TMEM150C: variants seen among roughly 807,000 people sequenced by gnomAD.
TMEM150C encodes the protein transmembrane protein 150C, also known as tentonin 3.
A neutral mutation model predicts 29.9 loss-of-function variants in TMEM150C; 10 were observed. That is an observed-to-expected ratio of 0.33 (90% confidence interval 0.21 to 0.57). The LOEUF (loss-of-function observed/expected upper bound fraction) is 0.57, where lower values mean the gene tolerates loss of function less well. TMEM150C is among the 20% of genes least tolerant of loss of function. TMEM150C has a pLI of 0.88. For missense variants in TMEM150C, 251 were observed against 303.6 expected, an observed-to-expected ratio of 0.83 and a Z score of 1.29; for synonymous variants, 101 against 112.5, an observed-to-expected ratio of 0.90 and a Z score of 0.64.
At chr4:82,556,354 A>C (rs527759336) in intron 1 of TMEM150C, among the ~76,000 whole-genome samples, 1 of 152,356 alleles carries the variant, frequency 6.6e-6, no homozygotes, top group South Asian at 2.1e-4. Flanking sequence ...CCAAAGTTTC[A>C]TCAAACACTA....
intron 6 of TMEM150C, among the ~76,000 whole-genome samples, chr4:82,490,528 A>G (rs1209896038): frequency 6.6e-6 from 1 of 152,220 alleles, no homozygotes; most frequent in Non-Finnish European, 1.5e-5. Flanking sequence ...ATACACCCCA[A>G]ACTTTTCCAG....
chr4:82,491,349 G>C (rs1723340068), intron 6 of TMEM150C: 2 of 647,766 alleles, frequency 3.1e-6, no homozygotes, highest in African/African-American at 3.6e-5. Flanking sequence ...CAGCTGAGTA[G>C]CTGCTTGGCA....
chr4:82,543,400 A>T (rs1049387166), intron 1 of TMEM150C, among the ~76,000 whole-genome samples: 1 of 152,210 alleles, frequency 6.6e-6, no homozygotes, highest in Non-Finnish European at 1.5e-5. Flanking sequence ...AAAATAAATA[A>T]CTTATCCAAG....
At chr4:82,506,260 A>C (rs371269288) in intron 1 of TMEM150C, among the ~76,000 whole-genome samples, 10 of 152,360 alleles carry the variant, frequency 6.6e-5, no homozygotes, top group East Asian at 3.8e-4. Flanking sequence ...CTGGCGAACC[A>C]ATCCCATCTG....
intron 1 of TMEM150C, among the ~76,000 whole-genome samples, chr4:82,551,760 A>G (rs2110092982): frequency 6.6e-6 from 1 of 152,254 alleles, no homozygotes; most frequent in African/African-American, 2.4e-5. Context: ...CTCAATTAGC[A>G]TGCTTACCCC....
At chr4:82,496,730 C>A (rs918142132) in intron 5 of TMEM150C, among the ~76,000 whole-genome samples, 2 of 152,156 alleles carry the variant, frequency 1.3e-5, no homozygotes, top group Non-Finnish European at 2.9e-5. Flanking sequence ...CACATCTAGA[C>A]AAAATTGCTG....
chr4:82,527,310 C>T (rs1303151408), intron 1 of TMEM150C, among the ~76,000 whole-genome samples: 1 of 152,124 alleles, frequency 6.6e-6, no homozygotes, highest in African/African-American at 2.4e-5. Flanking sequence ...ATGTTCAGAG[C>T]CACTCTGTTC....
At chr4:82,559,875 C>A (rs895678442) in intron 1 of TMEM150C, among the ~76,000 whole-genome samples, 1 of 152,204 alleles carries the variant, frequency 6.6e-6, no homozygotes, top group Non-Finnish European at 1.5e-5. Flanking sequence ...ATTGCGGGGT[C>A]CAGCTAGCTT....
chr4:82,519,760 A>G (rs915097768), intron 1 of TMEM150C, among the ~76,000 whole-genome samples: 1 of 152,212 alleles, frequency 6.6e-6, no homozygotes, highest in Non-Finnish European at 1.5e-5. Context: ...TGCATAAGAT[A>G]AAGTTTAATT....
At chr4:82,546,682 G>T (rs1205993713) in intron 1 of TMEM150C, among the ~76,000 whole-genome samples, 5 of 151,988 alleles carry the variant, frequency 3.3e-5, no homozygotes, top group Non-Finnish European at 7.4e-5. Flanking sequence ...CAAAAAATTA[G>T]CCAGGCATGG....
chr4:82,501,923 C>G (rs1188627977), intron 5 of TMEM150C, among the ~76,000 whole-genome samples: 5 of 152,268 alleles, frequency 3.3e-5, no homozygotes, highest in East Asian at 1.9e-4. Flanking sequence ...TCAAAAGAAC[C>G]ACTTCCAGAA....
chr4:82,501,528 A>G (rs1723737172), intron 5 of TMEM150C, among the ~76,000 whole-genome samples: 1 of 152,194 alleles, frequency 6.6e-6, no homozygotes, highest in Non-Finnish European at 1.5e-5. Flanking sequence ...GCTTTGATGG[A>G]AAGGTGGTTA....
At position 82,483,636 on chromosome 4, in the gene TMEM150C, A is replaced by T. The variant is rs1723064107; in HGVS notation, c.*1875T>A. 5 of 152,094 alleles carry T rather than the reference A, an allele frequency of 3.3e-5. No homozygotes were observed. In the South Asian group the frequency reaches 1.0e-3, roughly 31 times the overall value. 9.4% of individuals were successfully genotyped at this position (152,094 alleles called of 1,614,324 possible). A position where few individuals can be genotyped will look rare whatever the true frequency, so the allele number is the denominator to read the frequency against. On this transcript the variant is annotated 3_prime_UTR_variant, in exon 8 of 8. Transcript: ENST00000449862. Reference sequence around the variant, plus strand: ...TCTGACACTCCTTTTTCCTACTCTTAAATTATTAATAATTCTATTCAACAG... The same window carrying T: ...TCTGACACTCCTTTTTCCTACTCTTTAATTATTAATAATTCTATTCAACAG...
chr4:82,512,548 C>G (rs564242269), intron 1 of TMEM150C, among the ~76,000 whole-genome samples: 1 of 152,242 alleles, frequency 6.6e-6, no homozygotes, highest in South Asian at 2.1e-4. Context: ...TAAGTTCTCT[C>G]CAATGGAAAA....
chr4:82,525,679 T>G (rs1230131359), intron 1 of TMEM150C, among the ~76,000 whole-genome samples: 1 of 152,198 alleles, frequency 6.6e-6, no homozygotes, highest in African/African-American at 2.4e-5. Context: ...CGGCTGTGGA[T>G]GGACATTAGT....
chr4:82,517,553 G>A (rs902315765), intron 1 of TMEM150C, among the ~76,000 whole-genome samples: 15 of 152,122 alleles, frequency 9.9e-5, no homozygotes, highest in Non-Finnish European at 1.8e-4. Context: ...CTTTTCTTGC[G>A]CTGGAACACC....
chr4:82,491,436 G>T, intron 6 of TMEM150C: 1 of 678,566 alleles, frequency 1.5e-6, no homozygotes, highest in Non-Finnish European at 2.7e-6. Flanking sequence ...GAGGATGGCT[G>T]TCTGCCACTG....
chr4:82,501,845 C>T (rs1269775647), intron 5 of TMEM150C, among the ~76,000 whole-genome samples: 1 of 151,918 alleles, frequency 6.6e-6, no homozygotes, highest in Non-Finnish European at 1.5e-5. Context: ...TTGGGAGACA[C>T]GTCCCACAAA....
intron 1 of TMEM150C, among the ~76,000 whole-genome samples, chr4:82,524,588 A>G (rs2110080077): frequency 6.6e-6 from 1 of 152,172 alleles, no homozygotes; most frequent in East Asian, 1.9e-4. Flanking sequence ...GAAAAAGGAG[A>G]TTTTCATTCA....
Sources: gnomAD v4.1 joint callset for allele counts (sites outside exome capture counted in the v4.1 genomes callset) on GRCh38, gnomAD v4.1.1 for gene constraint, MANE v1.5 for transcripts, NCBI Gene and HGNC (gene_info 2026-07-23, HGNC 2026-07-21) for gene names.